Variants in APOB observed in about 807,000 individuals in gnomAD.
APOB encodes the protein apolipoprotein B-100.
Under a neutral mutation model 314.1 loss-of-function variants are expected in APOB, and 153 were observed. The ratio of observed to expected loss-of-function variants is 0.49; its 90% CI spans 0.43 to 0.56. APOB has a LOEUF of 0.56. APOB is among the 20% of genes least tolerant of loss of function. APOB has a pLI of 0.00. For missense variants in APOB, 5,430 were observed against 5,350.7 expected (o/e 1.01, Z -0.46); for synonymous variants, 2,087 against 2,036.4 (o/e 1.02, Z -0.67).
rs1261837542 is a variant in APOB at position 21,002,376 on chromosome 2, T to C, written c.13046A>G (p.Lys4349Arg). Residue 4349 changes from lysine (K) to arginine (R), a missense_variant, in exon 29 of 29, where the codon AAA becomes AGA. Around this residue, in one of 3 missense-constraint regions of APOB, gnomAD observed 3,281 missense variants for 3,171.0 expected, o/e 1.03. Coordinates refer to ENST00000233242, the MANE Select transcript of APOB (RefSeq NM_000384.3). The part of the protein sequence containing the change: ...DYIPYVFKLL[K>R]ENLCLNLHKF... ...ATGAAGATTAAGGCATAGGTTTTCTTTCAACAATTTAAAAACATATGGGAT... is the reference window on the plus strand; with the variant it reads ...ATGAAGATTAAGGCATAGGTTTTCTCTCAACAATTTAAAAACATATGGGAT... 6.2e-6 allele frequency: 10 copies of C among 1,602,748 alleles called. No individual in the cohort carries two copies. The highest frequency in any genetic ancestry group is 1.7e-5 in the Admixed American group (1 of 58,128).
At chr2:21,038,915 G>A (rs994163278) in intron 4 of APOB, among the ~76,000 whole-genome samples, 14 of 152,170 alleles carry the variant, frequency 9.2e-5, no homozygotes, top group Non-Finnish European at 4.4e-5. Context: ...ACTTGGTACA[G>A]CTCTAACAGA....
chr2:21,008,088 C>G lies in APOB; in HGVS notation c.8780G>C (p.Gly2927Ala), dbSNP rs1238287235. 1.5e-5 allele frequency: 25 copies of G among 1,613,914 alleles called. No individual in the cohort carries two copies. In the Admixed American group the frequency reaches 4.0e-4, roughly 26 times the overall value. Residue 2927 changes from glycine (G) to alanine (A), a missense_variant, in exon 26 of 29, where the codon GGG becomes GCG. Transcript: ENST00000233242. ...TCTGGGGCAGGCCCATTTCCATGAC[C>G]CTTTTCCAGAAGAAGTCCATGCTAT... ...GHIAWTSSGK[G>A]SWKWACPRFS...
At position 21,004,376 on chromosome 2, in the gene APOB, T is replaced by C; in HGVS notation, c.11980A>G (p.Lys3994Glu). 1 of 1,614,004 alleles carries C rather than the reference T, an allele frequency of 6.2e-7. No individual in the cohort carries two copies. The highest frequency in any genetic ancestry group is 8.5e-7 in the Non-Finnish European group (1 of 1,179,934). The change falls in exon 28 of 29, where the codon AAG becomes GAG. Residue 3994 changes from lysine to glutamate, a missense_variant. Physicochemically the swap from Lys to Glu is moderately conservative, Grantham distance 56. Around this residue, in one of 3 missense-constraint regions of APOB, gnomAD observed 3,281 missense variants for 3,171.0 expected, o/e 1.03. Coordinates refer to ENST00000233242, the MANE Select transcript of APOB (RefSeq NM_000384.3). ...TDLHLRYQKD[K>E]KGISTSAASP... ...GCTGCTGAGGTGGAGATGCCTTTCT[T>C]GTCTTTCTGGTAGCGCAGATGGAGA...
At chr2:21,041,107 A>G in intron 3 of APOB, 24 bp from the exon 4 acceptor site, 5 of 1,607,362 alleles carry the variant, frequency 3.1e-6, no homozygotes, top group Non-Finnish European at 4.2e-6. Context: ...GTAGCAGAGC[A>G]TTGAGGTTGT....
chr2:21,033,581 C>A, intron 8 of APOB, 63 bp from the exon 9 acceptor site: 1 of 1,382,500 alleles, frequency 7.2e-7, no homozygotes, highest in South Asian at 1.2e-5. Context: ...TCTTTGTCTA[C>A]TGGAAGCTGG....
chr2:21,031,145 C>G (rs1663868103), intron 10 of APOB, among the ~76,000 whole-genome samples: 1 of 152,174 alleles, frequency 6.6e-6, no homozygotes, highest in Non-Finnish European at 1.5e-5. Flanking sequence ...CAAAGGAAAC[C>G]TGCACCCATA....
rs1487486971 is a variant in APOB at position 21,011,252 on chromosome 2, G to C, written c.5616C>G (p.Ile1872Met). Residue 1872 changes from isoleucine (I) to methionine (M), a missense_variant, in exon 26 of 29, where the codon ATC becomes ATG. Ile to Met is a conservative substitution (Grantham distance 10). This residue lies in a region of APOB where 3,281 missense variants were observed against 3,171.0 expected (regional missense o/e 1.03). Coordinates refer to ENST00000233242, the MANE Select transcript of APOB (RefSeq NM_000384.3). ...VEFSHRLNTD[I>M]AGLASAIDMS... is the part of the protein sequence containing the mutation. Reference sequence around the variant, plus strand: ...TGTCAATGGCTGAAGCCAGCCCAGCGATGTCTGTGTTGAGCCGATGGCTAA... The same window carrying C: ...TGTCAATGGCTGAAGCCAGCCCAGCCATGTCTGTGTTGAGCCGATGGCTAA... 6.2e-7 allele frequency: 1 copy of C among 1,614,088 alleles called. No individual in the cohort carries two copies. Among genetic ancestry groups the C allele is most frequent in the African/African-American group, 1.3e-5 (1 of 74,934 alleles).
intron 16 of APOB, chr2:21,024,609 C>G (rs979435126): frequency 2.0e-6 from 1 of 503,292 alleles, no homozygotes; most frequent in Non-Finnish European, 3.5e-6. Context: ...AAGACTCCAT[C>G]TCAAAAAATT....
intron 8 of APOB, among the ~76,000 whole-genome samples, chr2:21,034,194 A>G (rs1160235643): frequency 3.3e-5 from 5 of 152,208 alleles, no homozygotes; most frequent in Non-Finnish European, 2.9e-5. Flanking sequence ...CTTAGATTAC[A>G]ACCTGGCACT....
Position 21,007,304 on chromosome 2 carries a change from A to G in APOB, c.9564T>C (p.Asn3188=). Residue 3188 remains asparagine (N), a synonymous_variant, in exon 26 of 29, where the codon AAT becomes AAC. Transcript: ENST00000233242. Reference sequence around the variant, plus strand: ...TAAACTCACAAAGCACAGCCAAAGGATTTGTGATGGAATGCCTGTGTTTGT... The same window carrying G: ...TAAACTCACAAAGCACAGCCAAAGGGTTTGTGATGGAATGCCTGTGTTTGT... ...KKNKHRHSIT[N]PLAVLCEFIS... is the part of the protein sequence containing the mutation. 1 of 1,613,826 alleles carries G rather than the reference A, an allele frequency of 6.2e-7. No homozygotes were observed. The highest frequency in any genetic ancestry group is 1.3e-5 in the African/African-American group (1 of 74,974).
rs1558562225 is a variant in APOB at position 21,007,610 on chromosome 2, ACTTG to A, written c.9254_9257del (p.Ala3085ValfsTer4). The A allele has an allele frequency of 6.2e-7, 1 of 1,614,104 alleles. No homozygotes were observed. The highest frequency in any genetic ancestry group is 1.1e-5 in the South Asian group (1 of 91,074). On this transcript the variant is annotated frameshift_variant, in exon 26 of 29. Transcript: ENST00000233242. LOFTEE classifies it high-confidence loss of function. ...GATTGAACCTAGCACTTACTTGCCA[ACTTG>A]CTTGCTGGGCACTGGGACTCAGAAA...
intron 16 of APOB, chr2:21,024,725 A>G (rs1386078190): frequency 7.1e-6 from 5 of 707,374 alleles, no homozygotes; most frequent in Non-Finnish European, 1.3e-5. Context: ...AATACAGCTA[A>G]CATTATGAAT....
intron 4 of APOB, among the ~76,000 whole-genome samples, chr2:21,039,995 C>T (rs1406932972): frequency 6.6e-6 from 1 of 152,164 alleles, no homozygotes; most frequent in African/African-American, 2.4e-5. Flanking sequence ...TCGTAGCTCT[C>T]ATAATTCCCA....
chr2:21,013,072 C>T lies in APOB; in HGVS notation c.4216+88G>A, dbSNP rs190865121. The T allele has an allele frequency of 5.6e-3, 8,675 of 1,551,998 alleles. 34 individuals carry two copies. The highest frequency in any genetic ancestry group is 6.8e-3 in the Non-Finnish European group (7,723 of 1,133,066). ...GCAAGGAAGATTATCTGCTAGAAAG[C>T]CAAAGTCCTTTCCTCCCTGGAGGAG... is the stretch of plus-strand genomic sequence containing the variant. On this transcript the variant is annotated intron_variant, in intron 25 of 28. Coordinates refer to ENST00000233242, the MANE Select transcript of APOB (RefSeq NM_000384.3).
Position 21,008,029 on chromosome 2 carries a change from T to C in APOB, c.8839A>G (p.Ser2947Gly). The C allele has an allele frequency of 6.2e-7, 1 of 1,614,142 alleles. No homozygotes were observed. Among genetic ancestry groups the C allele is most frequent in the Non-Finnish European group, 8.5e-7 (1 of 1,179,970 alleles). ...SDEGTHESQI[S>G]FTIEGPLTSF... ...GTGAGGGGTCCTTCTATGGTGAAAC[T>C]AATTTGTGATTCATGTGTTCCCTCA... The change falls in exon 26 of 29, where the codon AGT becomes GGT. Residue 2947 changes from serine to glycine, a missense_variant. By Grantham distance (56) the Ser-to-Gly change is moderately conservative (BLOSUM62 0). Transcript: ENST00000233242.
Position 21,011,267 on chromosome 2 carries a change from C to T in APOB, c.5601G>A (p.Arg1867=). The T allele has an allele frequency of 6.2e-7, 1 of 1,614,162 alleles. No individual in the cohort carries two copies. Among genetic ancestry groups the T allele is most frequent in the Non-Finnish European group, 8.5e-7 (1 of 1,180,000 alleles). ...AKVQGVEFSH[R]LNTDIAGLAS... ...CCAGCCCAGCGATGTCTGTGTTGAG[C>T]CGATGGCTAAACTCCACACCCTGAA... The change falls in exon 26 of 29, where the codon CGG becomes CGA. Residue 1867 remains arginine, a synonymous_variant. Coordinates refer to ENST00000233242, the MANE Select transcript of APOB (RefSeq NM_000384.3).
rs1191445727 is a variant in APOB, at chr2:21,005,999, A to G, written c.10869T>C (p.Asn3623=). The change falls in exon 26 of 29, where the codon AAT becomes AAC. Residue 3623 remains asparagine, a synonymous_variant. Coordinates refer to ENST00000233242, the MANE Select transcript of APOB (RefSeq NM_000384.3). ...TGATCTTCTGGTTCTTAGTGTTAGC[A>G]TTCAGGGCCACTTCCTGGCCAAGGT... ...FPDLGQEVAL[N]ANTKNQKIRW... is the part of the protein sequence containing the mutation. The G allele has an allele frequency of 4.3e-6, 7 of 1,613,888 alleles. No homozygotes were observed. The African/African-American group carries it at 9.3e-5, about 22-fold the overall frequency.
chr2:21,014,531 G>A lies in APOB; in HGVS notation c.3759C>T (p.Asp1253=). 1 of 1,614,088 alleles carries A rather than the reference G, an allele frequency of 6.2e-7. No homozygotes were observed. The highest frequency in any genetic ancestry group is 1.1e-5 in the South Asian group (1 of 91,076). ...GSLPYTQTLQ[D]HLNSLKEFNL... ...TGAACTCCTTCAGGCTATTGAGGTG[G>A]TCTTGCAAAGTCTGGGTATAAGGAA... is the stretch of plus-strand genomic sequence containing the variant. Residue 1253 remains aspartate (D), a synonymous_variant, in exon 24 of 29, where the codon GAC becomes GAT. Coordinates refer to ENST00000233242, the MANE Select transcript of APOB (RefSeq NM_000384.3).
chr2:21,014,008 T>G (rs578135249), intron 24 of APOB, among the ~76,000 whole-genome samples: 23 of 152,324 alleles, frequency 1.5e-4, no homozygotes, highest in South Asian at 1.0e-3. Flanking sequence ...ACAACTTGAT[T>G]TGTGGAAAGA....
Sources: allele counts gnomAD v4.1 joint callset (sites outside exome capture counted in the v4.1 genomes callset), GRCh38; gene constraint gnomAD v4.1.1; regional missense constraint gnomAD v4.1.1; transcripts MANE v1.5; gene names NCBI Gene and HGNC (gene_info 2026-07-23, HGNC 2026-07-21).